Variants in PCSK5 observed in about 807,000 individuals in gnomAD.
PCSK5 encodes prohormone convertase 5.
PCSK5 carries 129 observed loss-of-function variants against 233.2 expected under a neutral mutation model. The ratio of observed to expected loss-of-function variants is 0.55; its 90% CI spans 0.48 to 0.64. The LOEUF (loss-of-function observed/expected upper bound fraction) is 0.64, where lower values mean the gene tolerates loss of function less well. Ranked by LOEUF, PCSK5 falls within the 30% of genes least tolerant of loss-of-function variation. PCSK5 has a pLI of 0.00. For missense variants in PCSK5, 2,076 were observed against 2,430.1 expected (o/e 0.85, Z 3.06); for synonymous variants, 825 against 879.2 (o/e 0.94, Z 1.09).
chr9:75,982,257 C>T (rs1005200968), intron 2 of PCSK5, among the ~76,000 whole-genome samples: 1 of 152,134 alleles, frequency 6.6e-6, no homozygotes, highest in African/African-American at 2.4e-5. Flanking sequence ...AGGTTGTTTA[C>T]AATTTTTAGT....
In PCSK5 at chr9:76,244,744, A is replaced by G. The variant is rs150604051; in HGVS notation, c.3142+4060A>G. ...AAAGATTACCAAAAAGGGGGCAGAA[A>G]ACTAAACTCATGACCAAAAATGATT... On this transcript the variant is annotated intron_variant, in intron 24 of 37. Transcript: ENST00000674117. Among the ~76,000 whole-genome samples the G allele has an allele frequency of 4.9e-3, 749 of 152,280 alleles. 7 individuals are homozygous for G. Among genetic ancestry groups the G allele is most frequent in the African/African-American group, 0.017 (720 of 41,558 alleles).
chr9:76,349,632 T>C (rs1830068055), intron 35 of PCSK5, among the ~76,000 whole-genome samples: 1 of 152,220 alleles, frequency 6.6e-6, no homozygotes. Context: ...ATCGTTCTAT[T>C]TCAAGTTCAA....
intron 1 of PCSK5, among the ~76,000 whole-genome samples, chr9:75,928,601 A>G (rs1397401320): frequency 5.0e-5 from 4 of 79,884 alleles, no homozygotes; most frequent in South Asian, 8.2e-4. Flanking sequence ...AAATACATAT[A>G]TATATATATA....
chr9:75,975,111 G>A (rs901427346), intron 2 of PCSK5, among the ~76,000 whole-genome samples: 2 of 152,118 alleles, frequency 1.3e-5, no homozygotes, highest in African/African-American at 4.8e-5. Context: ...CTTAAAAAGA[G>A]AAAGCGCAAA....
At chr9:76,269,508 G>T (rs1015988749) in intron 24 of PCSK5, among the ~76,000 whole-genome samples, 1 of 152,130 alleles carries the variant, frequency 6.6e-6, no homozygotes, top group African/African-American at 2.4e-5. Flanking sequence ...GCTTAAAAAG[G>T]GTATTAAAGA....
chr9:76,030,238 A>AGCTCT (rs2131503205), intron 5 of PCSK5, among the ~76,000 whole-genome samples: 1 of 152,230 alleles, frequency 6.6e-6, no homozygotes, highest in South Asian at 2.1e-4. Context: ...GATATTCATA[A>AGCTCT]ACATTTTAGC....
chr9:76,173,248 T>A (rs1472856295), intron 13 of PCSK5, among the ~76,000 whole-genome samples: 1 of 152,130 alleles, frequency 6.6e-6, no homozygotes, highest in South Asian at 2.1e-4. Context: ...AACATCGATT[T>A]GTTGGTGATG....
At chr9:76,133,788 A>G (rs989081031) in intron 9 of PCSK5, among the ~76,000 whole-genome samples, 8 of 152,024 alleles carry the variant, frequency 5.3e-5, no homozygotes, top group Non-Finnish European at 1.0e-4. Context: ...TATACAAAGG[A>G]TGACAGCACC....
intron 3 of PCSK5, among the ~76,000 whole-genome samples, chr9:75,995,909 AATC>A (rs1237060595): frequency 1.3e-5 from 2 of 152,138 alleles, no homozygotes; most frequent in African/African-American, 2.4e-5. Context: ...TATGGGTAGT[AATC>A]ATAATTTTCT....
intron 37 of PCSK5, among the ~76,000 whole-genome samples, chr9:76,356,564 C>G (rs1308539711): frequency 6.6e-6 from 1 of 152,158 alleles, no homozygotes; most frequent in African/African-American, 2.4e-5. Flanking sequence ...CTCTCCAATG[C>G]TTTAATGTTT....
At chr9:76,144,086 C>T (rs989197648) in intron 10 of PCSK5, among the ~76,000 whole-genome samples, 2 of 151,988 alleles carry the variant, frequency 1.3e-5, no homozygotes, top group Admixed American at 6.6e-5. Flanking sequence ...GACAGAAGCA[C>T]TTAGGGTTTA....
At chr9:76,007,681 C>T (rs1333166372) in intron 3 of PCSK5, among the ~76,000 whole-genome samples, 1 of 151,678 alleles carries the variant, frequency 6.6e-6, no homozygotes, top group African/African-American at 2.4e-5. Flanking sequence ...GGCTGGAGTG[C>T]AGTGGCGTGA....
At chr9:75,915,277 G>C (rs1263534238) in intron 1 of PCSK5, among the ~76,000 whole-genome samples, 1 of 152,192 alleles carries the variant, frequency 6.6e-6, no homozygotes, top group Non-Finnish European at 1.5e-5. Flanking sequence ...ATTGTGTGAT[G>C]AGGAGTAAGT....
chr9:75,911,280 C>T (rs1485710986), intron 1 of PCSK5, among the ~76,000 whole-genome samples: 1 of 110,552 alleles, frequency 9.0e-6, no homozygotes, highest in Admixed American at 1.3e-4. Flanking sequence ...TTTTGTTCAA[C>T]CTAATTCTGA....
In PCSK5 at chr9:76,208,777, C is replaced by T. The variant is rs746079094; in HGVS notation, c.2627-18726C>T. Reference sequence around the variant, plus strand: ...AGAAGAATAATTCTGATTGCTCATGCGGTATTTTTTTTCCAACCTGGATGG... The same window carrying T: ...AGAAGAATAATTCTGATTGCTCATGTGGTATTTTTTTTCCAACCTGGATGG... On this transcript the variant is annotated intron_variant, in intron 20 of 37. Coordinates refer to ENST00000674117, the MANE Select transcript of PCSK5 (RefSeq NM_001372043.1). Among the ~76,000 whole-genome samples the T allele has an allele frequency of 2.6e-5, 4 of 152,136 alleles. No homozygotes were observed. In the East Asian group the frequency reaches 5.8e-4, roughly 22 times the overall value.
rs753280534 is a variant in PCSK5, at chr9:76,302,114, C to A, written c.3524-23C>A. ...CTTTTTGCATTAAAAAAAAACTAAA[C>A]ACTTTTTTTTTTAATAAAAAAGAAG... On this transcript the variant is annotated intron_variant, in intron 27 of 37. Transcript: ENST00000674117. 2.1e-5 allele frequency: 24 copies of A among 1,159,160 alleles called. No homozygotes were observed. In the East Asian group the frequency reaches 7.6e-4, roughly 37 times the overall value. 71.8% of individuals were successfully genotyped at this position (1,159,160 alleles called of 1,614,324 possible).
chr9:75,902,214 T>TTAAAAAAAAAAAAAAA (rs1554703242), intron 1 of PCSK5, among the ~76,000 whole-genome samples: 3 of 53,300 alleles, frequency 5.6e-5, no homozygotes, highest in Non-Finnish European at 1.0e-4. Flanking sequence ...AGACACCATC[T>TTAAAAAAAAAAAAAAA]AAAAAAAAAA....
chr9:76,165,374 C>T (rs893486252), intron 12 of PCSK5, among the ~76,000 whole-genome samples: 9 of 152,150 alleles, frequency 5.9e-5, no homozygotes, highest in African/African-American at 2.2e-4. Context: ...ATTTATAAAA[C>T]ATCTTGTTAT....
chr9:76,287,661 A>G (rs1427227381), intron 24 of PCSK5: 1 of 152,062 alleles, frequency 6.6e-6, no homozygotes, highest in African/African-American at 2.4e-5. Context: ...GGGTTTCATC[A>G]TGTTAGCCAG....
Sources: allele counts gnomAD v4.1 joint callset (sites outside exome capture counted in the v4.1 genomes callset), GRCh38; gene constraint gnomAD v4.1.1; transcripts MANE v1.5; gene names NCBI Gene and HGNC (gene_info 2026-07-23, HGNC 2026-07-21).